Variants in TMEM132C observed in about 807,000 individuals in gnomAD.
The protein encoded by TMEM132C is transmembrane protein 132C.
A neutral mutation model predicts 61.4 loss-of-function variants in TMEM132C; 29 were observed. That is an observed-to-expected ratio of 0.47 (90% CI 0.35 to 0.64). The LOEUF is 0.64. Ranked by LOEUF, TMEM132C falls within the 30% of genes least tolerant of loss-of-function variation. The pLI is 0.00. For synonymous variants in TMEM132C, 656 were observed against 633.1 expected (o/e 1.04, Z -0.54); for missense variants, 1,408 against 1,476.9 (o/e 0.95, Z 0.76).
chr12:128,636,047 T>C (rs1954100550), intron 4 of TMEM132C, among the ~76,000 whole-genome samples: 1 of 152,194 alleles, frequency 6.6e-6, no homozygotes, highest in South Asian at 2.1e-4. Flanking sequence ...TTCTAAATTC[T>C]TCTCATCCAC....
At chr12:128,560,104 A>G (rs990699094) in intron 3 of TMEM132C, among the ~76,000 whole-genome samples, 1 of 152,068 alleles carries the variant, frequency 6.6e-6, no homozygotes, top group Non-Finnish European at 1.5e-5. Flanking sequence ...AAAGTTAGCC[A>G]GGCATGGTGG....
intron 1 of TMEM132C, among the ~76,000 whole-genome samples, chr12:128,328,718 T>C (rs1193392): frequency 0.18 from 25,098 of 135,726 alleles, 5,364 homozygotes; most frequent in African/African-American, 0.53. Context: ...ACCCGGGAGG[T>C]GGAGGTTGCA....
intron 2 of TMEM132C, among the ~76,000 whole-genome samples, chr12:128,484,117 A>G (rs1356645040): frequency 6.6e-6 from 1 of 152,162 alleles, no homozygotes; most frequent in Admixed American, 6.5e-5. Context: ...TGGTTTTCCC[A>G]CCCATCAGAG....
intron 2 of TMEM132C, among the ~76,000 whole-genome samples, chr12:128,512,396 C>T (rs1180663117): frequency 6.6e-6 from 1 of 152,278 alleles, no homozygotes; most frequent in Admixed American, 6.5e-5. Context: ...CCATTTTCCC[C>T]CTAACAATAT....
At position 128,587,606 on chromosome 12, in the gene TMEM132C, A is replaced by C. The variant is rs181811985; in HGVS notation, c.1122-28546A>C. 7.9e-5 allele frequency among the ~76,000 whole-genome samples: 12 copies of C among 152,372 alleles called. No homozygotes were observed. In the South Asian group the frequency reaches 1.5e-3, roughly 18 times the overall value. ...TACACAATGGCATTAAGCCAATCAA[A>C]TCACAAAGTGAGAATGTGATTGCAT... On this transcript the variant is annotated intron_variant, in intron 3 of 8. Coordinates refer to ENST00000435159, the MANE Select transcript of TMEM132C (RefSeq NM_001136103.3).
At chr12:128,622,761 C>T (rs1953980528) in intron 4 of TMEM132C, among the ~76,000 whole-genome samples, 1 of 152,046 alleles carries the variant, frequency 6.6e-6, no homozygotes, top group Non-Finnish European at 1.5e-5. Context: ...TCTCCTTTGA[C>T]AGGGATTGGA....
intron 8 of TMEM132C, among the ~76,000 whole-genome samples, chr12:128,700,015 G>A (rs1027078950): frequency 6.6e-6 from 1 of 152,210 alleles, no homozygotes; most frequent in South Asian, 2.1e-4. Flanking sequence ...AAAGAGCAGA[G>A]GAAAGTGGGA....
intron 2 of TMEM132C, among the ~76,000 whole-genome samples, chr12:128,471,968 T>C (rs1870967393): frequency 6.6e-6 from 1 of 152,230 alleles, no homozygotes; most frequent in African/African-American, 2.4e-5. Context: ...AGCAGTCTTC[T>C]CGGTTCCCTA....
chr12:128,584,867 C>T (rs1026467341), intron 3 of TMEM132C, among the ~76,000 whole-genome samples: 29 of 152,310 alleles, frequency 1.9e-4, no homozygotes, highest in African/African-American at 6.0e-4. Context: ...ACCATGGTGG[C>T]CTCGGGGCAG....
chr12:128,643,046 C>T (rs1423988651), intron 4 of TMEM132C, among the ~76,000 whole-genome samples: 1 of 152,184 alleles, frequency 6.6e-6, no homozygotes, highest in African/African-American at 2.4e-5. Flanking sequence ...TCAGAGAATG[C>T]TTTCTTGAAT....
chr12:128,334,281 C>T (rs1346401637), intron 1 of TMEM132C, among the ~76,000 whole-genome samples: 2 of 152,114 alleles, frequency 1.3e-5, no homozygotes, highest in Admixed American at 1.3e-4. Context: ...TCAGCCCAGC[C>T]CATCTCCACA....
intron 2 of TMEM132C, among the ~76,000 whole-genome samples, chr12:128,454,624 AC>A (rs1220101329): frequency 1.3e-5 from 2 of 151,940 alleles, no homozygotes; most frequent in African/African-American, 2.4e-5. Flanking sequence ...TTCCTGAGAG[AC>A]CCCCTGGATA....
chr12:128,695,572 T>C (rs1248444312), intron 6 of TMEM132C, among the ~76,000 whole-genome samples: 1 of 152,214 alleles, frequency 6.6e-6, no homozygotes, highest in Non-Finnish European at 1.5e-5. Context: ...AATAGCCACA[T>C]GTGTCCAATG....
chr12:128,267,445 T>A lies in TMEM132C; in HGVS notation c.43T>A (p.Cys15Ser). The A allele has an allele frequency of 7.9e-7, 1 of 1,263,064 alleles. No homozygotes were observed. Among genetic ancestry groups the A allele is most frequent in the Non-Finnish European group, 9.9e-7 (1 of 1,006,060 alleles). 78.2% of individuals were successfully genotyped at this position (1,263,064 alleles called of 1,614,324 possible). ...GGCCCCCGGGCCGGCGGCGCCGCTG[T>A]GCGGGGCGCTGAGCCTGCTGCTGGG... ...GAAPGPAAPLCGALSLLLGAL... is the reference protein window; with the variant it reads ...GAAPGPAAPLSGALSLLLGAL... The change falls in exon 1 of 9, where the codon TGC (cysteine) becomes AGC (serine). Residue 15 changes from cysteine to serine, a missense_variant. Coordinates refer to ENST00000435159, the MANE Select transcript of TMEM132C (RefSeq NM_001136103.3).
At chr12:128,661,450 T>C (rs1326914383) in intron 4 of TMEM132C, among the ~76,000 whole-genome samples, 3 of 152,016 alleles carry the variant, frequency 2.0e-5, no homozygotes, top group African/African-American at 7.3e-5. Context: ...CACACGCTGC[T>C]GCTCAGAGTG....
chr12:128,470,109 T>G (rs1870897304), intron 2 of TMEM132C, among the ~76,000 whole-genome samples: 1 of 152,194 alleles, frequency 6.6e-6, no homozygotes, highest in Non-Finnish European at 1.5e-5. Flanking sequence ...ATTTGAAGTT[T>G]CCTGTTCCAA....
chr12:128,442,091 A>G (rs2136048113), intron 2 of TMEM132C, among the ~76,000 whole-genome samples: 1 of 152,336 alleles, frequency 6.6e-6, no homozygotes, highest in Non-Finnish European at 1.5e-5. Context: ...GGCAGTTCTG[A>G]GGAGTCATGC....
intron 2 of TMEM132C, among the ~76,000 whole-genome samples, chr12:128,485,913 G>A (rs184282776): frequency 1.2e-4 from 19 of 152,110 alleles, no homozygotes; most frequent in African/African-American, 2.9e-4. Context: ...TTCCTTTTGC[G>A]GCAGATGTAT....
chr12:128,315,249 G>A (rs1872112329), intron 1 of TMEM132C, among the ~76,000 whole-genome samples: 1 of 152,180 alleles, frequency 6.6e-6, no homozygotes. Context: ...AGAAGCCAGT[G>A]TGTGCCTGCC....
Sources: gnomAD v4.1 joint callset for allele counts (sites outside exome capture counted in the v4.1 genomes callset) on GRCh38, gnomAD v4.1.1 for gene constraint, MANE v1.5 for transcripts, NCBI Gene and HGNC (gene_info 2026-07-23, HGNC 2026-07-21) for gene names.